CABLES1: variants seen among roughly 807,000 people sequenced by gnomAD.
The protein encoded by CABLES1 is CDK5 and ABL1 enzyme substrate 1.
A neutral mutation model predicts 57.8 loss-of-function variants in CABLES1; 36 were observed. The observed-to-expected ratio is 0.62, with a 90% CI of 0.48 to 0.82. The LOEUF is 0.82. CABLES1 is among the 40% of genes least tolerant of loss of function. The pLI, the probability that CABLES1 is intolerant of heterozygous loss-of-function variation, is 0.00. For synonymous variants in CABLES1, 374 were observed against 363.0 expected (o/e 1.03, Z -0.35); for missense variants, 767 against 836.6 (o/e 0.92, Z 1.03).
rs1268027603 is a variant in CABLES1 at position 23,224,595 on chromosome 18, GTC to G, written c.1089-10006_1089-10005del. On this transcript the variant is annotated intron_variant, in intron 4 of 9. Transcript: ENST00000256925. ...TTTTTTTTTTTTTTTTGGAGACAGA[GTC>G]TCTCTCAGTTGCTCAGGCTGGAGTG... 2.4e-5 allele frequency among the ~76,000 whole-genome samples: 3 copies of G among 123,078 alleles called. No homozygotes were observed. The East Asian group carries it at 7.4e-4, about 30-fold the overall frequency. The allele number at this position is 123,078 out of a possible 152,430, so 80.7% of individuals were successfully genotyped here. A position where few individuals can be genotyped will look rare whatever the true frequency, so the allele number is the denominator to read the frequency against.
intron 3 of CABLES1, among the ~76,000 whole-genome samples, chr18:23,195,505 C>T (rs1313335596): frequency 6.6e-6 from 1 of 152,244 alleles, no homozygotes; most frequent in East Asian, 1.9e-4. Context: ...GAGTAAAGTA[C>T]CCTGTACAGC....
intron 3 of CABLES1, among the ~76,000 whole-genome samples, chr18:23,207,628 C>G (rs1016841572): frequency 6.6e-6 from 1 of 152,150 alleles, no homozygotes; most frequent in African/African-American, 2.4e-5. Flanking sequence ...CTGGGCCATT[C>G]ATCATCAGAT....
At chr18:23,174,042 C>G (rs924401160) in intron 1 of CABLES1, among the ~76,000 whole-genome samples, 1 of 152,166 alleles carries the variant, frequency 6.6e-6, no homozygotes, top group Non-Finnish European at 1.5e-5. Flanking sequence ...TCACCACTAT[C>G]TAATTTTAGA....
At chr18:23,246,886 T>C (rs2047908840) in intron 7 of CABLES1, among the ~76,000 whole-genome samples, 2 of 152,000 alleles carry the variant, frequency 1.3e-5, no homozygotes. Context: ...AGAGACGGGG[T>C]TTTACCATGT....
intron 4 of CABLES1, among the ~76,000 whole-genome samples, chr18:23,228,516 A>G (rs2047543968): frequency 6.6e-6 from 1 of 152,162 alleles, no homozygotes; most frequent in African/African-American, 2.4e-5. Context: ...GCTACATTAA[A>G]TTAATTTTGG....
chr18:23,237,952 C>G (rs1366931415), intron 7 of CABLES1, among the ~76,000 whole-genome samples: 1 of 152,020 alleles, frequency 6.6e-6, no homozygotes, highest in Non-Finnish European at 1.5e-5. Context: ...GCTGCACTTT[C>G]AGAACAGTCG....
At chr18:23,217,105 A>G (rs1330535509) in intron 4 of CABLES1, among the ~76,000 whole-genome samples, 1 of 152,166 alleles carries the variant, frequency 6.6e-6, no homozygotes, top group Non-Finnish European at 1.5e-5. Context: ...TTTTTGAGAC[A>G]GGATTTTGCT....
intron 7 of CABLES1, among the ~76,000 whole-genome samples, chr18:23,246,782 C>G (rs986925000): frequency 6.6e-6 from 1 of 151,842 alleles, no homozygotes; most frequent in Non-Finnish European, 1.5e-5. Context: ...ATCTTCATCT[C>G]CCAGGTTCAA....
intron 1 of CABLES1, among the ~76,000 whole-genome samples, chr18:23,143,954 G>T (rs910961260): frequency 1.3e-5 from 2 of 152,142 alleles, no homozygotes; most frequent in Non-Finnish European, 2.9e-5. Flanking sequence ...AACCTCCCCC[G>T]CTCCCACACA....
At chr18:23,158,393 C>T (rs2046979668) in intron 1 of CABLES1, among the ~76,000 whole-genome samples, 1 of 152,158 alleles carries the variant, frequency 6.6e-6, no homozygotes, top group Non-Finnish European at 1.5e-5. Flanking sequence ...CACCCTGTAG[C>T]GTGTAGACCT....
intron 4 of CABLES1, among the ~76,000 whole-genome samples, chr18:23,223,575 C>T (rs866968490): frequency 1.0e-4 from 14 of 137,996 alleles, no homozygotes; most frequent in African/African-American, 3.8e-4. Context: ...GAGACTCCGT[C>T]TCAGAAAAAA....
Position 23,247,542 on chromosome 18 carries a change from C to T in CABLES1, c.1447-5418C>T, listed in dbSNP as rs1053503498. On this transcript the variant is annotated intron_variant, in intron 7 of 9. Transcript: ENST00000256925. ...CATGCAGCTGAGCGGGAGCAGGACA[C>T]GGAACAGCCCCACAGATCAGGTGCC... is the stretch of plus-strand genomic sequence containing the variant. Among the ~76,000 whole-genome samples, 9 of 152,210 alleles carry T rather than the reference C, an allele frequency of 5.9e-5. No individual in the cohort carries two copies. In the East Asian group the frequency reaches 1.3e-3, roughly 23 times the overall value.
intron 1 of CABLES1, among the ~76,000 whole-genome samples, chr18:23,176,643 G>A (rs1217377651): frequency 6.6e-6 from 1 of 152,080 alleles, no homozygotes; most frequent in Non-Finnish European, 1.5e-5. Flanking sequence ...AGGAATCTGA[G>A]GTAATTCGGA....
At chr18:23,246,361 A>G (rs2047880624) in intron 7 of CABLES1, among the ~76,000 whole-genome samples, 1 of 151,532 alleles carries the variant, frequency 6.6e-6, no homozygotes, top group Non-Finnish European at 1.5e-5. Flanking sequence ...AGTAGCATGC[A>G]CTGGCAAAAC....
intron 1 of CABLES1, among the ~76,000 whole-genome samples, chr18:23,178,714 A>C (rs1379028016): frequency 6.6e-6 from 1 of 152,238 alleles, no homozygotes; most frequent in East Asian, 1.9e-4. Flanking sequence ...AGTTCCTGTC[A>C]GCTCTAAATA....
chr18:23,159,620 G>A (rs1321143983), intron 1 of CABLES1, among the ~76,000 whole-genome samples: 4 of 152,122 alleles, frequency 2.6e-5, no homozygotes, highest in Non-Finnish European at 5.9e-5. Flanking sequence ...CCGAGGCGAC[G>A]GGACGAGATA....
chr18:23,150,207 G>GTTTTTTGTTTTTTGTTTTTTTTTT (rs1555658964), intron 1 of CABLES1, among the ~76,000 whole-genome samples: 1 of 106,674 alleles, frequency 9.4e-6, no homozygotes, highest in African/African-American at 4.1e-5. Flanking sequence ...GTTGGTGTTT[G>GTTTTTTGTTTTTTGTTTTTTTTTT]TTTTTTTTTT....
intron 1 of CABLES1, among the ~76,000 whole-genome samples, chr18:23,152,239 AT>A (rs2046935533): frequency 6.6e-6 from 1 of 152,152 alleles, no homozygotes; most frequent in Admixed American, 6.6e-5. Flanking sequence ...AAAAAAATTA[AT>A]GAATGAGCTA....
At chr18:23,154,128 A>G (rs1316719745) in intron 1 of CABLES1, among the ~76,000 whole-genome samples, 5 of 152,230 alleles carry the variant, frequency 3.3e-5, no homozygotes. Context: ...GAGCAAGATC[A>G]TTAGCTTTTT....
Sources: gnomAD v4.1 joint callset for allele counts (sites outside exome capture counted in the v4.1 genomes callset) on GRCh38, gnomAD v4.1.1 for gene constraint, MANE v1.5 for transcripts, NCBI Gene and HGNC (gene_info 2026-07-23, HGNC 2026-07-21) for gene names.